The following MLXIP variants were observed in gnomAD, a reference collection of about 807,000 sequenced individuals.
MLXIP encodes MLX-interacting protein.
A neutral mutation model predicts 87.2 loss-of-function variants in MLXIP; 30 were observed. The ratio of observed to expected loss-of-function variants is 0.34; its 90% CI spans 0.26 to 0.47. The LOEUF (loss-of-function observed/expected upper bound fraction) is 0.47. Ranked by LOEUF, MLXIP falls within the 20% of genes least tolerant of loss-of-function variation. MLXIP has a pLI of 1.00. For synonymous variants in MLXIP, 530 were observed against 514.0 expected (o/e 1.03, Z -0.42); for missense variants, 1,002 against 1,240.1 (o/e 0.81, Z 2.88).
chr12:122,080,854 G>T (rs921341503), intron 1 of MLXIP, among the ~76,000 whole-genome samples: 1 of 152,206 alleles, frequency 6.6e-6, no homozygotes. Context: ...AACAAAGCTC[G>T]AGGTGAAAGA....
rs60085890 is a variant in MLXIP, at chr12:122,127,138, G to A, written c.414-118G>A. 2,886 of 792,076 alleles carry A rather than the reference G, an allele frequency of 3.6e-3. 59 individuals carry two copies. In the African/African-American group the frequency reaches 0.044, roughly 12 times the overall value. The allele number at this position is 792,076 out of a possible 1,614,324, so 49.1% of individuals were successfully genotyped here. A position where few individuals can be genotyped will look rare whatever the true frequency, so the allele number is the denominator to read the frequency against. On this transcript the variant is annotated intron_variant, in intron 1 of 16. Coordinates refer to ENST00000319080, the MANE Select transcript of MLXIP (RefSeq NM_014938.6). Reference sequence around the variant, plus strand: ...TGACCTGAATTCCATGAAGCCGGGTGTATGGCTGGGGGTGGATCAGTCAAG... The same window carrying A: ...TGACCTGAATTCCATGAAGCCGGGTATATGGCTGGGGGTGGATCAGTCAAG...
intron 1 of MLXIP, among the ~76,000 whole-genome samples, chr12:122,121,288 G>T (rs1000820127): frequency 6.8e-6 from 1 of 147,664 alleles, no homozygotes; most frequent in African/African-American, 2.5e-5. Context: ...AATTCCAGGC[G>T]CGAGCCACTG....
At chr12:122,103,268 A>C (rs934782836) in intron 1 of MLXIP, among the ~76,000 whole-genome samples, 4 of 151,900 alleles carry the variant, frequency 2.6e-5, no homozygotes, top group Admixed American at 1.3e-4. Flanking sequence ...TCTTCTACCC[A>C]GGCTGGAGTG....
intron 1 of MLXIP, among the ~76,000 whole-genome samples, chr12:122,113,681 CTTTTTTTT>C (rs1173711241): frequency 9.9e-6 from 1 of 100,702 alleles, no homozygotes; most frequent in African/African-American, 4.0e-5. Flanking sequence ...GCCTTCATTT[CTTTTTTTT>C]TTTTTTTTTT....
Position 122,138,298 on chromosome 12 carries a change from G to C in MLXIP, c.2256+3G>C. On this transcript the variant is annotated splice_donor_region_variant and intron_variant, in intron 13 of 16. Coordinates refer to ENST00000319080, the MANE Select transcript of MLXIP (RefSeq NM_014938.6). Reference sequence around the variant, plus strand: ...TCATCTCCAACAATTCCAAGCTGGTGAGTTGCCAAGAGCGTGGGCTGTGGC... The same window carrying C: ...TCATCTCCAACAATTCCAAGCTGGTCAGTTGCCAAGAGCGTGGGCTGTGGC... The C allele has an allele frequency of 6.2e-7, 1 of 1,613,790 alleles. No homozygotes were observed. The highest frequency in any genetic ancestry group is 8.5e-7 in the Non-Finnish European group (1 of 1,179,806).
Position 122,079,000 on chromosome 12 carries a change from G to A in MLXIP, c.147G>A (p.Pro49=), listed in dbSNP as rs1275911785. 1 of 1,143,848 alleles carries A rather than the reference G, an allele frequency of 8.7e-7. No homozygotes were observed. The highest frequency in any genetic ancestry group is 1.1e-6 in the Non-Finnish European group (1 of 934,180). The allele number at this position is 1,143,848 out of a possible 1,614,324, so 70.9% of individuals were successfully genotyped here. A position where few individuals can be genotyped will look rare whatever the true frequency, so the allele number is the denominator to read the frequency against. The change falls in exon 1 of 17, where the codon CCG becomes CCA. Residue 49 remains proline, a synonymous_variant. Transcript: ENST00000319080. ...SPPPASGAAT[P]ARAHASAAPP... is the part of the protein sequence containing the mutation. Reference sequence around the variant, plus strand: ...CGCCCGCCTCCGGCGCGGCCACCCCGGCCCGGGCCCACGCGAGCGCCGCGC... The same window carrying A: ...CGCCCGCCTCCGGCGCGGCCACCCCAGCCCGGGCCCACGCGAGCGCCGCGC...
intron 9 of MLXIP, chr12:122,134,383 T>C (rs1414242959): frequency 9.9e-6 from 2 of 202,114 alleles, no homozygotes; most frequent in African/African-American, 2.4e-5. Flanking sequence ...TTGTTTGTTT[T>C]TTGAGATGGA....
chr12:122,099,780 A>T (rs1356446834), intron 1 of MLXIP, among the ~76,000 whole-genome samples: 1 of 152,158 alleles, frequency 6.6e-6, no homozygotes, highest in Non-Finnish European at 1.5e-5. Context: ...CCTCATATCC[A>T]AATATATTTG....
At chr12:122,123,376 G>A (rs1952816292) in intron 1 of MLXIP, among the ~76,000 whole-genome samples, 1 of 152,138 alleles carries the variant, frequency 6.6e-6, no homozygotes, top group South Asian at 2.1e-4. Flanking sequence ...TTTCTTGAGC[G>A]CCACCTGTTG....
chr12:122,116,754 C>G (rs936832640), intron 1 of MLXIP, among the ~76,000 whole-genome samples: 3 of 152,250 alleles, frequency 2.0e-5, no homozygotes, highest in Admixed American at 6.5e-5. Flanking sequence ...GTGCTGGGCC[C>G]AGGCCCTCAT....
chr12:122,093,164 G>T (rs942873657), intron 1 of MLXIP, among the ~76,000 whole-genome samples: 1 of 149,432 alleles, frequency 6.7e-6, no homozygotes, highest in Non-Finnish European at 1.5e-5. Context: ...TGTAGGGTAT[G>T]TAGTGTGTGT....
rs113336247 is a variant in MLXIP at position 122,133,495 on chromosome 12, G to A, written c.1240G>A (p.Asp414Asn). The A allele has an allele frequency of 0.027, 43,288 of 1,612,454 alleles. 668 individuals are homozygous for A. Among genetic ancestry groups the A allele is most frequent in the Non-Finnish European group, 0.032 (37,874 of 1,179,488 alleles). ...RTEDPFIQPTDFGPSEPPLSV... is the reference protein window; with the variant it reads ...RTEDPFIQPTNFGPSEPPLSV... ...TGAGGACCCGTTTATCCAGCCCACG[G>A]ACTTCGGTCCCTCAGAGCCGCCACT... The change falls in exon 9 of 17, where the codon GAC becomes AAC. Residue 414 changes from aspartate to asparagine, a missense_variant. Asp to Asn is a conservative substitution (Grantham distance 23, BLOSUM62 1). Coordinates refer to ENST00000319080, the MANE Select transcript of MLXIP (RefSeq NM_014938.6). This position sits in a 1 kb window ranked among gnomAD's most constrained non-coding sequence, Gnocchi z 4.9.
chr12:122,080,123 C>G (rs377321107), intron 1 of MLXIP, among the ~76,000 whole-genome samples: 1 of 152,148 alleles, frequency 6.6e-6, no homozygotes, highest in Non-Finnish European at 1.5e-5. Flanking sequence ...CGCTTTTTCA[C>G]TCTCTCTCCC....
chr12:122,085,896 GAA>G (rs2135895039), intron 1 of MLXIP, among the ~76,000 whole-genome samples: 1 of 152,262 alleles, frequency 6.6e-6, no homozygotes, highest in Non-Finnish European at 1.5e-5. Context: ...TGGCAAAGGC[GAA>G]TTAAGGTTAC....
Position 122,127,984 on chromosome 12 carries a change from C to G in MLXIP, c.606+16C>G, listed in dbSNP as rs1461174957. The G allele has an allele frequency of 1.9e-6, 3 of 1,609,736 alleles. No individual in the cohort carries two copies. The Admixed American group carries it at 5.0e-5, about 27-fold the overall frequency. On this transcript the variant is annotated intron_variant, in intron 3 of 16. Transcript: ENST00000319080. Reference sequence around the variant, plus strand: ...CCGGCCGGAGGTACTTGGCAGTGACCAAGGGTGGCTGAGAGTGGAAACATA... The same window carrying G: ...CCGGCCGGAGGTACTTGGCAGTGACGAAGGGTGGCTGAGAGTGGAAACATA...
chr12:122,115,287 C>A (rs28739522), intron 1 of MLXIP, among the ~76,000 whole-genome samples: 76,502 of 151,598 alleles, frequency 0.5, 19,788 homozygotes, highest in Middle Eastern at 0.64. Flanking sequence ...ACAAGAAATT[C>A]TAAAGAAAAA....
chr12:122,120,538 A>G (rs1952761726), intron 1 of MLXIP, among the ~76,000 whole-genome samples: 1 of 152,210 alleles, frequency 6.6e-6, no homozygotes, highest in South Asian at 2.1e-4. Flanking sequence ...GTTATAAAAC[A>G]TTGTGAATGT....
At chr12:122,094,350 GTA>G (rs1727402951) in intron 1 of MLXIP, among the ~76,000 whole-genome samples, 4 of 141,952 alleles carry the variant, frequency 2.8e-5, no homozygotes, top group Admixed American at 7.0e-5. Context: ...ATGGGTGTGT[GTA>G]TGTTTGCGGT....
intron 1 of MLXIP, among the ~76,000 whole-genome samples, chr12:122,120,895 A>G (rs536668501): frequency 6.6e-6 from 1 of 152,244 alleles, no homozygotes; most frequent in East Asian, 1.9e-4. Flanking sequence ...AAGCACCAGG[A>G]ATGGTGAAGA....
Sources: allele counts gnomAD v4.1 joint callset (sites outside exome capture counted in the v4.1 genomes callset), GRCh38; gene constraint gnomAD v4.1.1; non-coding constraint Gnocchi (gnomAD v3.1); transcripts MANE v1.5; gene names NCBI Gene and HGNC (gene_info 2026-07-23, HGNC 2026-07-21).